Variants in RLF observed in about 807,000 individuals in gnomAD.
The protein encoded by RLF is RLF zinc finger.
Under a neutral mutation model 162.9 loss-of-function variants are expected in RLF, and 7 were observed. The ratio of observed to expected loss-of-function variants is 0.04; its 90% CI spans 0.02 to 0.08. The LOEUF is 0.08. RLF is among the 10% of genes least tolerant of loss of function. RLF has a pLI of 1.00. For synonymous variants in RLF, 782 were observed against 791.5 expected (o/e 0.99, Z 0.20); for missense variants, 1,664 against 2,244.7 (o/e 0.74, Z 5.23).
intron 4 of RLF, among the ~76,000 whole-genome samples, chr1:40,197,618 G>C (rs982873397): frequency 1.3e-5 from 2 of 152,090 alleles, no homozygotes; most frequent in Non-Finnish European, 2.9e-5. Context: ...TCAAGAAATG[G>C]GGAGAAGCAT....
At chr1:40,212,801 A>G (rs1226098650) in intron 5 of RLF, among the ~76,000 whole-genome samples, 2 of 152,230 alleles carry the variant, frequency 1.3e-5, no homozygotes, top group Non-Finnish European at 2.9e-5. Flanking sequence ...TGACACAGTC[A>G]CTAGGTATAA....
rs1337376142 is a variant in RLF at position 40,222,516 on chromosome 1, CAA to C, written c.811-56_811-55del. 4.5e-6 allele frequency: 7 copies of C among 1,572,718 alleles called. No individual in the cohort carries two copies. The African/African-American group carries it at 6.8e-5, about 15-fold the overall frequency. On this transcript the variant is annotated intron_variant, in intron 5 of 7. Transcript: ENST00000372771. ...CATTAAGAAGTTTCACCTTATATAA[CAA>C]AGTTTACTGAAAAGTCACCATTTTC...
rs886534976 is a variant in RLF at position 40,169,622 on chromosome 1, CAAAAAAA to C, written c.237+8003_237+8009del. 1.8e-3 allele frequency among the ~76,000 whole-genome samples: 86 copies of C among 46,980 alleles called. 1 individual carries two copies. Among genetic ancestry groups the C allele is most frequent in the Non-Finnish European group, 2.5e-3 (61 of 24,304 alleles). 30.8% of individuals were successfully genotyped at this position (46,980 alleles called of 152,430 possible). On this transcript the variant is annotated intron_variant, in intron 1 of 7. Coordinates refer to ENST00000372771, the MANE Select transcript of RLF (RefSeq NM_012421.4). ...TGGGCGACAGAGCGAGACTCCGTCT[CAAAAAAA>C]AAAAAAAAAAAAAAAATAAGTGCTT...
intron 1 of RLF, among the ~76,000 whole-genome samples, chr1:40,170,326 T>G (rs1642225828): frequency 6.6e-6 from 1 of 152,124 alleles, no homozygotes; most frequent in African/African-American, 2.4e-5. Context: ...CAATCACAGC[T>G]CACTGTAGCC....
rs1570505576 is a variant in RLF, at chr1:40,161,905, C to T, written c.237+269C>T. Among the ~76,000 whole-genome samples, 1 of 152,310 alleles carries T rather than the reference C, an allele frequency of 6.6e-6. No individual in the cohort carries two copies. The highest frequency in any genetic ancestry group is 1.5e-5 in the Non-Finnish European group (1 of 68,034). On this transcript the variant is annotated intron_variant, in intron 1 of 7. Transcript: ENST00000372771. The surrounding 1 kb of genome is among the most constrained non-coding windows in gnomAD (Gnocchi z 4.4). ...GGTCCCTGGAAGGGCTGTGCCCTGT[C>T]GCCGTTGCCTGTGTCCTGGCCGGGT...
intron 7 of RLF, among the ~76,000 whole-genome samples, chr1:40,232,080 C>T (rs1212735950): frequency 1.3e-5 from 2 of 151,892 alleles, no homozygotes; most frequent in Non-Finnish European, 2.9e-5. Context: ...TGGTGGCGGG[C>T]GCCTGTAATC....
chr1:40,180,242 C>G (rs1642388076), intron 1 of RLF, among the ~76,000 whole-genome samples: 1 of 151,976 alleles, frequency 6.6e-6, no homozygotes, highest in African/African-American at 2.4e-5. Context: ...CTTGCTAACA[C>G]TTTTTCTGTT....
intron 1 of RLF, among the ~76,000 whole-genome samples, chr1:40,183,741 TAAAAA>T (rs879790689): frequency 6.9e-6 from 1 of 145,316 alleles, no homozygotes; most frequent in African/African-American, 2.5e-5. Flanking sequence ...TTTCCTCATT[TAAAAA>T]AAAAAAAAAT....
intron 4 of RLF, among the ~76,000 whole-genome samples, chr1:40,199,338 G>C (rs1642679392): frequency 6.6e-6 from 1 of 152,226 alleles, no homozygotes; most frequent in South Asian, 2.1e-4. Context: ...TGTAATAAAG[G>C]AGATATCAGA....
At chr1:40,186,998 T>G (rs79651018) in intron 1 of RLF, among the ~76,000 whole-genome samples, 1 of 152,150 alleles carries the variant, frequency 6.6e-6, no homozygotes, top group East Asian at 1.9e-4. Flanking sequence ...AGAATTTTTT[T>G]GTAACATAGA....
At chr1:40,223,489 T>C (rs568698921) in intron 6 of RLF, among the ~76,000 whole-genome samples, 1 of 152,326 alleles carries the variant, frequency 6.6e-6, no homozygotes, top group African/African-American at 2.4e-5. Context: ...ATTTGCATTA[T>C]CTTGATTAGA....
At chr1:40,191,326 T>G (rs1358962387) in intron 3 of RLF, among the ~76,000 whole-genome samples, 1 of 152,100 alleles carries the variant, frequency 6.6e-6, no homozygotes, top group Non-Finnish European at 1.5e-5. Flanking sequence ...TCACCTGAGG[T>G]CAGGAGTTCG....
intron 6 of RLF, 181 bp from the exon 7 acceptor site, chr1:40,231,336 G>A (rs76986639): frequency 0.028 from 14,434 of 523,140 alleles, 289 homozygotes; most frequent in Middle Eastern, 0.042. Flanking sequence ...GAATTGTTAC[G>A]GAGGATTCTT....
intron 1 of RLF, among the ~76,000 whole-genome samples, chr1:40,180,830 T>C (rs1642396063): frequency 6.6e-6 from 1 of 152,202 alleles, no homozygotes; most frequent in African/African-American, 2.4e-5. Flanking sequence ...TTTTCTCCCA[T>C]TTTATGGGTT....
At chr1:40,195,803 G>A in intron 4 of RLF, 39 bp downstream of exon 4, 1 of 1,576,216 alleles carries the variant, frequency 6.3e-7, no homozygotes, top group African/African-American at 1.4e-5. Context: ...ATTTAGTTCT[G>A]AGAACGTTGG....
intron 5 of RLF, among the ~76,000 whole-genome samples, chr1:40,204,934 C>T (rs534053495): frequency 6.6e-6 from 1 of 152,248 alleles, no homozygotes; most frequent in South Asian, 2.1e-4. Flanking sequence ...ATTCATCTAC[C>T]AGCATCTATG....
At position 40,165,167 on chromosome 1, in the gene RLF, A is replaced by G. The variant is rs540702369; in HGVS notation, c.237+3531A>G. 8.5e-5 allele frequency among the ~76,000 whole-genome samples: 13 copies of G among 152,322 alleles called. No homozygotes were observed. In the East Asian group the frequency reaches 2.5e-3, roughly 29 times the overall value. On this transcript the variant is annotated intron_variant, in intron 1 of 7. Coordinates refer to ENST00000372771, the MANE Select transcript of RLF (RefSeq NM_012421.4). The stretch of plus-strand genomic sequence containing the variant: ...TGTTATCCAGATTTCTTAGCTTTGT[A>G]ATAAAAAGTTTTCACAACCTTGGTC...
chr1:40,175,615 C>T (rs889959582), intron 1 of RLF, among the ~76,000 whole-genome samples: 6 of 151,896 alleles, frequency 4.0e-5, no homozygotes, highest in Non-Finnish European at 7.4e-5. Context: ...AGCCATTGCA[C>T]TCCAGCCTGG....
intron 4 of RLF, among the ~76,000 whole-genome samples, chr1:40,201,348 G>A (rs181531950): frequency 1.3e-5 from 2 of 151,764 alleles, no homozygotes; most frequent in East Asian, 2.0e-4. Context: ...GGGCTCGGCC[G>A]GGTGCGGTGG....
Sources: gnomAD v4.1 joint callset for allele counts (sites outside exome capture counted in the v4.1 genomes callset) on GRCh38, gnomAD v4.1.1 for gene constraint, Gnocchi (gnomAD v3.1) non-coding constraint, MANE v1.5 for transcripts, NCBI Gene and HGNC (gene_info 2026-07-23, HGNC 2026-07-21) for gene names.